Variants in MLLT10 observed in about 807,000 individuals in gnomAD.
MLLT10 encodes the protein protein AF-10.
A neutral mutation model predicts 129.1 loss-of-function variants in MLLT10; 30 were observed. The observed-to-expected ratio is 0.23, with a 90% CI of 0.17 to 0.32. MLLT10 has a LOEUF of 0.32. Ranked by LOEUF, MLLT10 falls within the 10% of genes least tolerant of loss-of-function variation. MLLT10 has a pLI of 1.00. For missense variants in MLLT10, 1,119 were observed against 1,268.3 expected (o/e 0.88, Z 1.79); for synonymous variants, 490 against 446.4 (o/e 1.10, Z -1.23).
At chr10:21,559,077 G>A (rs1449196397) in intron 3 of MLLT10, among the ~76,000 whole-genome samples, 1 of 152,092 alleles carries the variant, frequency 6.6e-6, no homozygotes, top group Non-Finnish European at 1.5e-5. Context: ...TCAGTTTGGG[G>A]AGAATGGACT....
At chr10:21,689,009 C>T (rs894727424) in intron 13 of MLLT10, among the ~76,000 whole-genome samples, 12 of 152,116 alleles carry the variant, frequency 7.9e-5, no homozygotes, top group African/African-American at 2.7e-4. Context: ...CTACTGTTAA[C>T]CACTTGAAGT....
intron 13 of MLLT10, chr10:21,708,539 A>G: frequency 1.0e-6 from 1 of 977,940 alleles, no homozygotes; most frequent in African/African-American, 1.8e-5. Context: ...TTGATAGGAA[A>G]GGAACATTTT....
intron 5 of MLLT10, among the ~76,000 whole-genome samples, chr10:21,610,549 G>GT (rs1459522066): frequency 6.6e-6 from 1 of 151,440 alleles, no homozygotes; most frequent in African/African-American, 2.4e-5. Context: ...CTACTTGACT[G>GT]TTTTTCACCT....
chr10:21,733,405 A>G (rs2058108669), intron 18 of MLLT10, 99 bp from the exon 19 acceptor site: 1 of 754,338 alleles, frequency 1.3e-6, no homozygotes, highest in East Asian at 3.0e-5. Flanking sequence ...AGTGGTTTTG[A>G]TACGGGCTTC....
rs1481397250 is a variant in MLLT10 at position 21,733,958 on chromosome 10, G to A, written c.2687G>A (p.Gly896Asp). 6.2e-7 allele frequency: 1 copy of A among 1,614,082 alleles called. No homozygotes were observed. Among genetic ancestry groups the A allele is most frequent in the Non-Finnish European group, 8.5e-7 (1 of 1,180,048 alleles). ...TSTIPAVSAV[G>D]GIIGALPGNQ... is the part of the protein sequence containing the mutation. ...ACCATTCCTGCCGTGTCTGCAGTGG[G>A]TGGAATAATTGGAGCTTTGCCAGGT... Residue 896 changes from glycine to aspartate, a missense_variant, in exon 20 of 23, where the codon GGT (glycine) becomes GAT (aspartate). Physicochemically the swap from Gly to Asp is moderately conservative, Grantham distance 94. Coordinates refer to ENST00000307729, the MANE Select transcript of MLLT10 (RefSeq NM_001195626.3).
At chr10:21,600,301 G>C (rs2043401255) in intron 5 of MLLT10, among the ~76,000 whole-genome samples, 1 of 151,826 alleles carries the variant, frequency 6.6e-6, no homozygotes. Flanking sequence ...GACTGTATTA[G>C]AGTTACAGTG....
chr10:21,630,930 A>ACACC (rs1413312374), intron 8 of MLLT10, among the ~76,000 whole-genome samples: 1 of 152,178 alleles, frequency 6.6e-6, no homozygotes, highest in African/African-American at 2.4e-5. Flanking sequence ...ACTCGCTAGC[A>ACACC]CACCCACCCA....
At chr10:21,650,269 G>A (rs2131318989) in intron 8 of MLLT10, among the ~76,000 whole-genome samples, 1 of 152,162 alleles carries the variant, frequency 6.6e-6, no homozygotes, top group African/African-American at 2.4e-5. Flanking sequence ...GAGGATTGCT[G>A]GAGCCTAGGA....
chr10:21,645,432 G>C (rs1046089730), intron 8 of MLLT10, among the ~76,000 whole-genome samples: 7 of 152,068 alleles, frequency 4.6e-5, no homozygotes, highest in Non-Finnish European at 8.8e-5. Context: ...ATGATATTTT[G>C]TGTTATTTGA....
At chr10:21,670,143 A>G (rs1180575027) in intron 9 of MLLT10, among the ~76,000 whole-genome samples, 3 of 152,212 alleles carry the variant, frequency 2.0e-5, no homozygotes, top group Admixed American at 6.5e-5. Context: ...ACAAATGAGT[A>G]TCTTCAGTAT....
chr10:21,551,316 T>TTA (rs1554785852), intron 3 of MLLT10, among the ~76,000 whole-genome samples: 2 of 144,876 alleles, frequency 1.4e-5, no homozygotes, highest in Admixed American at 6.9e-5. Context: ...TTTTTTTTTT[T>TTA]ACATAACACA....
intron 8 of MLLT10, among the ~76,000 whole-genome samples, chr10:21,630,372 A>G (rs2046884134): frequency 6.6e-6 from 1 of 152,192 alleles, no homozygotes; most frequent in African/African-American, 2.4e-5. Context: ...ATGAAGAAAG[A>G]GTAGATCATT....
intron 9 of MLLT10, among the ~76,000 whole-genome samples, chr10:21,658,237 T>C (rs1049301167): frequency 2.0e-5 from 3 of 152,216 alleles, no homozygotes; most frequent in Non-Finnish European, 4.4e-5. Context: ...GGCAACAGTT[T>C]CCTTGTGACT....
chr10:21,550,036 G>A (rs1415385638), intron 3 of MLLT10, among the ~76,000 whole-genome samples: 1 of 152,138 alleles, frequency 6.6e-6, no homozygotes, highest in Non-Finnish European at 1.5e-5. Flanking sequence ...TGCAAAATGT[G>A]GTCATAAAGT....
chr10:21,714,395 T>G (rs1276448342), intron 14 of MLLT10, among the ~76,000 whole-genome samples: 1 of 152,242 alleles, frequency 6.6e-6, no homozygotes, highest in African/African-American at 2.4e-5. Flanking sequence ...GAATGACCGC[T>G]TCAAGCACTA....
intron 5 of MLLT10, among the ~76,000 whole-genome samples, chr10:21,605,774 C>T (rs909230657): frequency 6.6e-6 from 1 of 152,106 alleles, no homozygotes; most frequent in African/African-American, 2.4e-5. Context: ...GGGTTATTTT[C>T]TTAGTGGTAG....
At chr10:21,584,722 A>ATT (rs2041826092) in intron 3 of MLLT10, among the ~76,000 whole-genome samples, 1 of 151,794 alleles carries the variant, frequency 6.6e-6, no homozygotes, top group South Asian at 2.1e-4. Flanking sequence ...GTGTATATAT[A>ATT]TTTATATGTA....
chr10:21,662,023 C>T (rs553894082), intron 9 of MLLT10, among the ~76,000 whole-genome samples: 1 of 151,692 alleles, frequency 6.6e-6, no homozygotes, highest in East Asian at 1.9e-4. Context: ...TTTTTTCACC[C>T]TCTCATCACA....
At chr10:21,703,040 G>A (rs1268295797) in intron 13 of MLLT10, among the ~76,000 whole-genome samples, 1 of 151,914 alleles carries the variant, frequency 6.6e-6, no homozygotes, top group Non-Finnish European at 1.5e-5. Flanking sequence ...TGTAGGGGTG[G>A]TTTGAGTCCT....
Sources: gnomAD v4.1 joint callset for allele counts (sites outside exome capture counted in the v4.1 genomes callset) on GRCh38, gnomAD v4.1.1 for gene constraint, MANE v1.5 for transcripts, NCBI Gene and HGNC (gene_info 2026-07-23, HGNC 2026-07-21) for gene names.